The following FNIP1 variants were observed in gnomAD, a reference collection of about 807,000 sequenced individuals.
The protein encoded by FNIP1 is folliculin interacting protein 1.
FNIP1 carries 40 observed loss-of-function variants against 124.5 expected under a neutral mutation model. The observed-to-expected ratio is 0.32, with a 90% confidence interval of 0.25 to 0.42. FNIP1 has a LOEUF of 0.42. FNIP1 is among the 10% of genes least tolerant of loss of function. The pLI, the probability that FNIP1 is intolerant of heterozygous loss-of-function variation, is 1.00. For missense variants in FNIP1, 1,176 were observed against 1,403.7 expected, an observed-to-expected ratio of 0.84 and a Z score of 2.59; for synonymous variants, 472 against 470.6, an observed-to-expected ratio of 1.00 and a Z score of -0.04.
At chr5:131,733,590 G>A (rs563969124) in intron 2 of FNIP1, among the ~76,000 whole-genome samples, 1 of 152,292 alleles carries the variant, frequency 6.6e-6, no homozygotes, top group East Asian at 1.9e-4. Context: ...AGATAATCAC[G>A]TGGTTTTTGT....
chr5:131,796,466 C>T (rs1046739234), intron 1 of FNIP1: 5 of 257,014 alleles, frequency 1.9e-5, no homozygotes, highest in African/African-American at 1.1e-4. Flanking sequence ...AGTACGGCGG[C>T]TGAGGTCCAA....
At chr5:131,739,136 C>A (rs1770420494) in intron 2 of FNIP1, among the ~76,000 whole-genome samples, 1 of 152,098 alleles carries the variant, frequency 6.6e-6, no homozygotes, top group African/African-American at 2.4e-5. Flanking sequence ...TTTTCCACTC[C>A]ACAGATATAT....
Position 131,704,149 on chromosome 5 carries a change from T to A in FNIP1, c.1032A>T (p.Glu344Asp). ...VIFSLSKDED[E>D]NNKFNEFFFS... ...AAAAGAATTCATTAAATTTGTTATT[T>A]TCATCTTCATCTTTGGACAATGAAA... Residue 344 changes from glutamate to aspartate, a missense_variant, in exon 10 of 18, where the codon GAA (glutamate) becomes GAT (aspartate). Transcript: ENST00000510461. 6.2e-7 allele frequency: 1 copy of A among 1,613,064 alleles called. No homozygotes were observed. Among genetic ancestry groups the A allele is most frequent in the East Asian group, 2.2e-5 (1 of 44,788 alleles).
intron 6 of FNIP1, among the ~76,000 whole-genome samples, chr5:131,712,500 C>G (rs983839459): frequency 6.6e-6 from 1 of 151,992 alleles, no homozygotes; most frequent in Non-Finnish European, 1.5e-5. Flanking sequence ...TACACTTCAA[C>G]GAAAATATCA....
At chr5:131,750,474 A>C (rs1274069613) in intron 1 of FNIP1, among the ~76,000 whole-genome samples, 1 of 152,128 alleles carries the variant, frequency 6.6e-6, no homozygotes, top group Non-Finnish European at 1.5e-5. Context: ...ATAAAAAAGA[A>C]CCTCTCTGGA....
chr5:131,736,294 G>A (rs1770301649), intron 2 of FNIP1, among the ~76,000 whole-genome samples: 1 of 152,096 alleles, frequency 6.6e-6, no homozygotes, highest in African/African-American at 2.4e-5. Context: ...AAGCATGGTA[G>A]GTATTATCGA....
intron 1 of FNIP1, among the ~76,000 whole-genome samples, chr5:131,747,735 G>C (rs978747418): frequency 6.6e-6 from 1 of 152,110 alleles, no homozygotes; most frequent in Non-Finnish European, 1.5e-5. Flanking sequence ...AATAGGAGCA[G>C]AGAAAACAGA....
At chr5:131,658,559 A>G (rs1767280836) in intron 15 of FNIP1, among the ~76,000 whole-genome samples, 1 of 152,130 alleles carries the variant, frequency 6.6e-6, no homozygotes, top group Non-Finnish European at 1.5e-5. Flanking sequence ...TGGGGGACAA[A>G]AGGGGGGCCA....
intron 2 of FNIP1, among the ~76,000 whole-genome samples, chr5:131,734,518 C>T (rs1770217555): frequency 6.6e-6 from 1 of 152,144 alleles, no homozygotes; most frequent in Admixed American, 6.5e-5. Context: ...TCAGAGTGAA[C>T]AGGCAACCTA....
At chr5:131,746,758 T>C (rs1222356366) in intron 1 of FNIP1, among the ~76,000 whole-genome samples, 1 of 152,210 alleles carries the variant, frequency 6.6e-6, no homozygotes, top group Non-Finnish European at 1.5e-5. Flanking sequence ...CATGTGTCTT[T>C]TTGGTAGCTT....
chr5:131,724,476 T>G (rs970894758), intron 3 of FNIP1, among the ~76,000 whole-genome samples: 1 of 152,242 alleles, frequency 6.6e-6, no homozygotes, highest in Non-Finnish European at 1.5e-5. Flanking sequence ...AAAGAGCTTT[T>G]TTTTCATGTT....
At chr5:131,720,021 CT>C (rs1769604785) in intron 3 of FNIP1, among the ~76,000 whole-genome samples, 1 of 152,146 alleles carries the variant, frequency 6.6e-6, no homozygotes, top group Non-Finnish European at 1.5e-5. Context: ...CCACAACCTT[CT>C]TCTTCAAGAA....
chr5:131,683,157 G>A (rs1561652987), intron 11 of FNIP1, among the ~76,000 whole-genome samples: 1 of 152,024 alleles, frequency 6.6e-6, no homozygotes, highest in South Asian at 2.1e-4. Context: ...AATTTAAGAA[G>A]TACATTTATC....
At chr5:131,657,736 C>CAAAAAAAAAAAAAAAAAAAAAAA (rs59097834) in intron 15 of FNIP1, among the ~76,000 whole-genome samples, 1 of 65,056 alleles carries the variant, frequency 1.5e-5, no homozygotes, top group African/African-American at 6.2e-5. Context: ...GAAAATAAGG[C>CAAAAAAAAAAAAAAAAAAAAAAA]AAAAAAAAAA....
At chr5:131,718,836 T>TTAAG in intron 5 of FNIP1, 150 bp downstream of exon 5, 1 of 550,046 alleles carries the variant, frequency 1.8e-6, no homozygotes, top group Non-Finnish European at 3.3e-6. Context: ...CTAAACTCAA[T>TTAAG]TAAGAGTGAA....
intron 3 of FNIP1, among the ~76,000 whole-genome samples, chr5:131,725,263 T>C (rs1422500567): frequency 6.6e-6 from 1 of 152,242 alleles, no homozygotes; most frequent in African/African-American, 2.4e-5. Flanking sequence ...TTGATGGGGA[T>C]AGCATTGAAT....
chr5:131,779,247 T>C (rs552097572), intron 1 of FNIP1, among the ~76,000 whole-genome samples: 16 of 151,692 alleles, frequency 1.1e-4, no homozygotes, highest in African/African-American at 3.9e-4. Context: ...ATTTCAAACA[T>C]CCAACTCTAA....
chr5:131,737,039 CTTTT>C (rs750311685), intron 2 of FNIP1, among the ~76,000 whole-genome samples: 4 of 152,106 alleles, frequency 2.6e-5, no homozygotes, highest in Non-Finnish European at 5.9e-5. Context: ...ATATTTATAA[CTTTT>C]TTTGCATAAT....
chr5:131,756,476 A>G (rs776362150), intron 1 of FNIP1, among the ~76,000 whole-genome samples: 1 of 152,192 alleles, frequency 6.6e-6, no homozygotes, highest in Non-Finnish European at 1.5e-5. Flanking sequence ...AAAGGCATCT[A>G]TTTCCTTTCT....
Sources: allele counts gnomAD v4.1 joint callset (sites outside exome capture counted in the v4.1 genomes callset), GRCh38; gene constraint gnomAD v4.1.1; transcripts MANE v1.5; gene names NCBI Gene and HGNC (gene_info 2026-07-23, HGNC 2026-07-21).